Variants in IFT56 observed in about 807,000 individuals in gnomAD.
The protein encoded by IFT56 is intraflagellar transport protein 56.
the IFT56 span, among the ~76,000 whole-genome samples, chr7:139,171,377 T>G: frequency 1.3e-5 from 2 of 152,138 alleles, no homozygotes; most frequent in Non-Finnish European, 2.9e-5. Context: ...AAGACCAGAA[T>G]AGCCAAAGCT....
the IFT56 span, among the ~76,000 whole-genome samples, chr7:139,177,630 G>GTGTGTGTGTGTGTA: frequency 1.3e-5 from 2 of 150,796 alleles, no homozygotes; most frequent in Admixed American, 6.6e-5. Flanking sequence ...GTGTGTGTGT[G>GTGTGTGTGTGTGTA]TATATATATC....
At chr7:139,152,271 C>A in the IFT56 span, among the ~76,000 whole-genome samples, 1 of 152,156 alleles carries the variant, frequency 6.6e-6, no homozygotes, top group Admixed American at 6.5e-5. Flanking sequence ...GAACTACAGA[C>A]ATGCGCCACT....
chr7:139,183,191 A>G, the IFT56 span, among the ~76,000 whole-genome samples: 1 of 151,274 alleles, frequency 6.6e-6, no homozygotes, highest in Non-Finnish European at 1.5e-5. Context: ...AGGAGATGAG[A>G]GGGGAATAGG....
At chr7:139,189,378 A>G in the IFT56 span, 1 of 1,613,770 alleles carries the variant, frequency 6.2e-7, no homozygotes, top group South Asian at 1.1e-5. Flanking sequence ...CCCAAGTAGA[A>G]TACATGATCC....
At chr7:139,173,318 C>G in the IFT56 span, 2 of 407,864 alleles carry the variant, frequency 4.9e-6, no homozygotes, top group African/African-American at 4.3e-5. Flanking sequence ...ACCTCTGCCT[C>G]CTGGGTTCAA....
the IFT56 span, chr7:139,173,371 G>A: frequency 6.1e-6 from 3 of 495,520 alleles, no homozygotes; most frequent in Non-Finnish European, 1.1e-5. Context: ...GGGGATTACA[G>A]GCTCCTGCCA....
At chr7:139,170,247 A>G in the IFT56 span, among the ~76,000 whole-genome samples, 1 of 152,332 alleles carries the variant, frequency 6.6e-6, no homozygotes, top group African/African-American at 2.4e-5. Context: ...AAAGCCCAGG[A>G]CCCATTGGCT....
At chr7:139,181,582 T>C in the IFT56 span, among the ~76,000 whole-genome samples, 1 of 152,186 alleles carries the variant, frequency 6.6e-6, no homozygotes, top group Non-Finnish European at 1.5e-5. Flanking sequence ...TGTTGCTTTA[T>C]AATGGGGATA....
chr7:139,167,859 A>T, the IFT56 span, among the ~76,000 whole-genome samples: 1 of 151,760 alleles, frequency 6.6e-6, no homozygotes, highest in Non-Finnish European at 1.5e-5. Context: ...GAGAATTGCT[A>T]AAACCCTGGG....
chr7:139,169,157 A>G, the IFT56 span: 1 of 731,724 alleles, frequency 1.4e-6, no homozygotes, highest in East Asian at 2.8e-5. Context: ...GTTAATGAGA[A>G]TTAGTATTGT....
chr7:139,191,487 T>C, the IFT56 span: 2 of 152,228 alleles, frequency 1.3e-5, no homozygotes, highest in African/African-American at 4.8e-5. Flanking sequence ...AAATTGCCTA[T>C]AGTCAAAAAG....
the IFT56 span, among the ~76,000 whole-genome samples, chr7:139,179,898 G>C: frequency 6.6e-6 from 1 of 152,084 alleles, no homozygotes; most frequent in Non-Finnish European, 1.5e-5. Flanking sequence ...AAAATGTCAA[G>C]TTCTTCCTAA....
At chr7:139,137,454 C>G in the IFT56 span, among the ~76,000 whole-genome samples, 2 of 152,212 alleles carry the variant, frequency 1.3e-5, no homozygotes, top group African/African-American at 4.8e-5. Context: ...GCTTTGGAGT[C>G]AGGCATTTCT....
the IFT56 span, among the ~76,000 whole-genome samples, chr7:139,180,282 G>A: frequency 7.9e-5 from 12 of 152,340 alleles, no homozygotes; most frequent in African/African-American, 2.4e-4. Flanking sequence ...GCTGCAGTGA[G>A]GGGAGATCAC....
chr7:139,176,039 G>C, the IFT56 span, among the ~76,000 whole-genome samples: 1 of 151,826 alleles, frequency 6.6e-6, no homozygotes, highest in African/African-American at 2.4e-5. Context: ...GGCTGGTCTT[G>C]AACTCCTGAC....
the IFT56 span, chr7:139,134,548 A>G: frequency 7.8e-7 from 1 of 1,285,298 alleles, no homozygotes; most frequent in Non-Finnish European, 1.0e-6. Context: ...GATTACAGGC[A>G]TGAGCCACTG....
chr7:139,176,582 T>A, the IFT56 span, among the ~76,000 whole-genome samples: 7 of 152,116 alleles, frequency 4.6e-5, no homozygotes, highest in Admixed American at 4.6e-4. Context: ...GAGAAAGGGG[T>A]ATAAAAAGAG....
At chr7:139,169,140 TTGTTA>T in the IFT56 span, 1 of 636,090 alleles carries the variant, frequency 1.6e-6, no homozygotes, top group East Asian at 2.9e-5. Flanking sequence ...TCGGGTCTAG[TTGTTA>T]TGTTAATGAG....
chr7:139,178,750 G>A, the IFT56 span: 5 of 687,742 alleles, frequency 7.3e-6, no homozygotes, highest in Admixed American at 8.0e-5. Flanking sequence ...AGAAGGTGCA[G>A]TGACACACAC....
Sources: allele counts gnomAD v4.1 joint callset (sites outside exome capture counted in the v4.1 genomes callset), GRCh38; gene constraint gnomAD v4.1.1; transcripts MANE v1.5; gene names NCBI Gene and HGNC (gene_info 2026-07-23, HGNC 2026-07-21).